Variants in ZNF217 observed in about 807,000 individuals in gnomAD.
ZNF217 encodes the protein zinc finger protein 217.
A neutral mutation model predicts 73.3 loss-of-function variants in ZNF217; 12 were observed. That is an observed-to-expected ratio of 0.16 (90% CI 0.10 to 0.27). The LOEUF (loss-of-function observed/expected upper bound fraction) is 0.27. ZNF217 is among the 10% of genes least tolerant of loss of function. ZNF217 has a pLI of 1.00. For synonymous variants in ZNF217, 588 were observed against 516.4 expected (o/e 1.14, Z -1.88); for missense variants, 1,195 against 1,327.8 (o/e 0.90, Z 1.55).
chr20:53,591,482 G>T (rs1288185778), intron 1 of ZNF217, among the ~76,000 whole-genome samples: 1 of 145,464 alleles, frequency 6.9e-6, no homozygotes, highest in Admixed American at 6.7e-5. Flanking sequence ...AATCTGCCTT[G>T]GAACTACTGA....
At chr20:53,596,145 A>G (rs1342792389), upstream of ZNF217, among the ~76,000 whole-genome samples, 1 of 152,100 alleles carries the variant, frequency 6.6e-6, no homozygotes, top group East Asian at 1.9e-4. Flanking sequence ...TTTCTGAGCA[A>G]AAACGGTTGT....
At chr20:53,592,659 C>T (rs1020383370) in intron 1 of ZNF217, among the ~76,000 whole-genome samples, 2 of 151,952 alleles carry the variant, frequency 1.3e-5, no homozygotes, top group Non-Finnish European at 2.9e-5. Flanking sequence ...CCGGGTCTTG[C>T]CCCTCGGGCG....
chr20:53,582,196 T>C lies in ZNF217; in HGVS notation c.631A>G (p.Ile211Val), dbSNP rs201437971. ...ATGCAGATTTTGTAAGGAGAGGAGATGCTCTCGGCCGCGTGCACCTGGACG... is the reference window on the plus strand; with the variant it reads ...ATGCAGATTTTGTAAGGAGAGGAGACGCTCTCGGCCGCGTGCACCTGGACG... ...EVVQVHAAES[I>V]SSPYKICMVC... The change falls in exon 2 of 6, where the codon ATC (isoleucine) becomes GTC (valine). Residue 211 changes from isoleucine to valine, a missense_variant. Ile to Val is a conservative substitution (Grantham distance 29, BLOSUM62 3). This residue lies in a region of ZNF217 where 126 missense variants were observed against 114.4 expected (regional missense o/e 1.10). Transcript: ENST00000371471. This position sits in a 1 kb window ranked among gnomAD's most constrained non-coding sequence, Gnocchi z 4.8. 74 of 1,614,092 alleles carry C rather than the reference T, an allele frequency of 4.6e-5. No individual in the cohort carries two copies. In the East Asian group the frequency reaches 1.5e-3, roughly 33 times the overall value.
In ZNF217 at chr20:53,575,352, A is replaced by G. The variant is rs113934218; in HGVS notation, c.3037+375T>C. The G allele has an allele frequency of 1.7e-3, 301 of 174,274 alleles. 2 individuals carry two copies. Among genetic ancestry groups the G allele is most frequent in the African/African-American group, 6.6e-3 (278 of 42,000 alleles). 10.8% of individuals were successfully genotyped at this position (174,274 alleles called of 1,614,324 possible). ...AGCTGTGCATGGTAGCAGCACATAT[A>G]GTCTCAGCTACCTGGGAAGCTGAGG... On this transcript the variant is annotated intron_variant, in intron 4 of 5. Coordinates refer to ENST00000371471, the MANE Select transcript of ZNF217 (RefSeq NM_006526.3).
chr20:53,576,631 G>A lies in ZNF217; in HGVS notation c.2133C>T (p.Thr711=), dbSNP rs1196998313. The A allele has an allele frequency of 1.2e-6, 2 of 1,614,238 alleles. No homozygotes were observed. Among genetic ancestry groups the A allele is most frequent in the Admixed American group, 1.7e-5 (1 of 60,030 alleles). Reference sequence around the variant, plus strand: ...ATGTCTTGAAGGTACAAAATGGACAGGTGATACTTGGAATCAAACTTTTAC... The same window carrying A: ...ATGTCTTGAAGGTACAAAATGGACAAGTGATACTTGGAATCAAACTTTTAC... ...SLSKSLIPSI[T]CPFCTFKTFY... is the part of the protein sequence containing the mutation. The change falls in exon 4 of 6, where the codon ACC becomes ACT. Residue 711 remains threonine (T), a synonymous_variant. Coordinates refer to ENST00000371471, the MANE Select transcript of ZNF217 (RefSeq NM_006526.3).
chr20:53,575,727 C>T lies in ZNF217; in HGVS notation c.3037G>A (p.Gly1013Arg). ...GSPASSSTLE[G>R]KRPVSYQHLS... ...AAACACGACGCCCCTCATGCAATAC[C>T]TTCTAACGTCGAGCTGGATGCTGGA... is the stretch of plus-strand genomic sequence containing the variant. Residue 1013 changes from glycine (G) to arginine (R), a missense_variant and splice_region_variant, in exon 4 of 6, where the codon GGA becomes AGA. Physicochemically the swap from Gly to Arg is moderately radical, Grantham distance 125. This residue lies in a region of ZNF217 where 649 missense variants were observed against 642.8 expected (regional missense o/e 1.01). Transcript: ENST00000371471. 2 of 1,569,470 alleles carry T rather than the reference C, an allele frequency of 1.3e-6. No homozygotes were observed. The highest frequency in any genetic ancestry group is 2.2e-5 in the East Asian group (1 of 44,602).
rs200350390 is a variant in ZNF217 at position 53,582,198 on chromosome 20, C to T, written c.629G>A (p.Ser210Asn). 3 of 1,614,060 alleles carry T rather than the reference C, an allele frequency of 1.9e-6. No homozygotes were observed. In the East Asian group the frequency reaches 6.7e-5, roughly 36 times the overall value. Reference sequence around the variant, plus strand: ...GCAGATTTTGTAAGGAGAGGAGATGCTCTCGGCCGCGTGCACCTGGACGAC... The same window carrying T: ...GCAGATTTTGTAAGGAGAGGAGATGTTCTCGGCCGCGTGCACCTGGACGAC... ...NEVVQVHAAE[S>N]ISSPYKICMV... Residue 210 changes from serine to asparagine, a missense_variant, in exon 2 of 6, where the codon AGC (serine) becomes AAC (asparagine). By Grantham distance (46) the Ser-to-Asn change is conservative. Transcript: ENST00000371471. The surrounding 1 kb of genome is among the most constrained non-coding windows in gnomAD (Gnocchi z 4.8).
At chr20:53,585,344 G>A (rs1445367615) in intron 1 of ZNF217, among the ~76,000 whole-genome samples, 1 of 152,152 alleles carries the variant, frequency 6.6e-6, no homozygotes, top group African/African-American at 2.4e-5. Context: ...TGGATCACAT[G>A]AGGCCAGGAG....
In ZNF217 at chr20:53,568,898, C is replaced by T. The variant is rs1452909269; in HGVS notation, c.*390G>A. 1 of 180,360 alleles carries T rather than the reference C, an allele frequency of 5.5e-6. No homozygotes were observed. Among genetic ancestry groups the T allele is most frequent in the Non-Finnish European group, 1.2e-5 (1 of 86,468 alleles). 11.2% of individuals were successfully genotyped at this position (180,360 alleles called of 1,614,324 possible). ...TATTTACAGATTTTTACCTGAGGTGCAAGCATTATATACTTTTCCCCCATC... is the reference window on the plus strand; with the variant it reads ...TATTTACAGATTTTTACCTGAGGTGTAAGCATTATATACTTTTCCCCCATC... On this transcript the variant is annotated 3_prime_UTR_variant, in exon 6 of 6. Transcript: ENST00000371471.
In ZNF217 at chr20:53,575,846, A is replaced by T. The variant is rs771858368; in HGVS notation, c.2918T>A (p.Leu973Gln). The T allele has an allele frequency of 6.2e-7, 1 of 1,614,160 alleles. No individual in the cohort carries two copies. Among genetic ancestry groups the T allele is most frequent in the Non-Finnish European group, 8.5e-7 (1 of 1,179,974 alleles). The change falls in exon 4 of 6, where the codon CTG becomes CAG. Residue 973 changes from leucine to glutamine, a missense_variant. Physicochemically the swap from Leu to Gln is moderately radical, Grantham distance 113. Coordinates refer to ENST00000371471, the MANE Select transcript of ZNF217 (RefSeq NM_006526.3). The stretch of plus-strand genomic sequence containing the variant: ...TGGAGAATCGACCTCGCTGGAGCTC[A>T]GGAACCTTGGTTTGGGAGGCAGCGC... Reference protein sequence around the residue: ...SQALPPKPRFLSSSEVDSPNV... With the variant: ...SQALPPKPRFQSSSEVDSPNV...
rs1308520567 is a variant in ZNF217, at chr20:53,581,497, C to T, written c.1330G>A (p.Gly444Arg). 3.1e-6 allele frequency: 5 copies of T among 1,612,858 alleles called. No individual in the cohort carries two copies. Among genetic ancestry groups the T allele is most frequent in the East Asian group, 2.2e-5 (1 of 44,830 alleles). ...CCTTCGGGAAGCCCATCCTCAGATC[C>T]GTCTTCAGAACCACCTTCCCCTCGA... ...VDRGEGGSED[G>R]SEDGLPEGIH... Residue 444 changes from glycine (G) to arginine (R), a missense_variant, in exon 2 of 6, where the codon GGA (glycine) becomes AGA (arginine). Coordinates refer to ENST00000371471, the MANE Select transcript of ZNF217 (RefSeq NM_006526.3). The surrounding 1 kb of genome is among the most constrained non-coding windows in gnomAD (Gnocchi z 4.9).
At chr20:53,584,180 T>C (rs867300784) in intron 1 of ZNF217, among the ~76,000 whole-genome samples, 43 of 152,264 alleles carry the variant, frequency 2.8e-4, no homozygotes, top group African/African-American at 8.2e-4. Context: ...ATGGCAAACA[T>C]TGGATAGGCA....
At chr20:53,585,317 T>TG (rs1292656556) in intron 1 of ZNF217, among the ~76,000 whole-genome samples, 1 of 152,082 alleles carries the variant, frequency 6.6e-6, no homozygotes, top group African/African-American at 2.4e-5. Flanking sequence ...CCCAATGCTT[T>TG]GGGAAGCCGA....
chr20:53,595,411 G>A (rs1043705088), upstream of ZNF217, among the ~76,000 whole-genome samples: 1 of 152,108 alleles, frequency 6.6e-6, no homozygotes, highest in Non-Finnish European at 1.5e-5. Flanking sequence ...TAAATCAAAA[G>A]AAAGAACGCA....
chr20:53,590,770 T>C (rs1367000747), intron 1 of ZNF217, among the ~76,000 whole-genome samples: 1 of 152,176 alleles, frequency 6.6e-6, no homozygotes, highest in Admixed American at 6.5e-5. Context: ...AAAAAGTGAT[T>C]AGCATGTATC....
In ZNF217 at chr20:53,578,332, A is replaced by G; in HGVS notation, c.1483+2T>C. The stretch of plus-strand genomic sequence containing the variant: ...ATGGTTAAAAAAATAAAAGTTCTTT[A>G]CCTGTATGCGTTCTGAGATGAATAT... On this transcript the variant is annotated splice_donor_variant, in intron 3 of 5. Coordinates refer to ENST00000371471, the MANE Select transcript of ZNF217 (RefSeq NM_006526.3). LOFTEE classifies it high-confidence loss of function. 6.4e-7 allele frequency: 1 copy of G among 1,555,724 alleles called. No individual in the cohort carries two copies. Among genetic ancestry groups the G allele is most frequent in the Non-Finnish European group, 8.7e-7 (1 of 1,153,872 alleles).
intron 5 of ZNF217, chr20:53,570,633 G>C (rs1987953470): frequency 6.6e-6 from 1 of 152,512 alleles, no homozygotes; most frequent in African/African-American, 2.4e-5. Context: ...GCATAATTCT[G>C]ATACTACTAC....
At chr20:53,592,938 G>C (rs1215446927) in intron 1 of ZNF217, among the ~76,000 whole-genome samples, 1 of 151,910 alleles carries the variant, frequency 6.6e-6, no homozygotes, top group Non-Finnish European at 1.5e-5. Flanking sequence ...CTTCCAGCTG[G>C]CTTTGGGTGT....
At chr20:53,575,449 G>A in intron 4 of ZNF217, 4 of 321,218 alleles carry the variant, frequency 1.2e-5, no homozygotes, top group Non-Finnish European at 2.3e-5. Context: ...CTCCAATCTA[G>A]ATGACGGAGC....
Sources: allele counts gnomAD v4.1 joint callset (sites outside exome capture counted in the v4.1 genomes callset), GRCh38; gene constraint gnomAD v4.1.1; regional missense constraint gnomAD v4.1.1; non-coding constraint Gnocchi (gnomAD v3.1); transcripts MANE v1.5; gene names NCBI Gene and HGNC (gene_info 2026-07-23, HGNC 2026-07-21).